SIGLEC6: variants seen among roughly 807,000 people sequenced by gnomAD.
SIGLEC6 encodes the protein sialic acid binding Ig like lectin 6, also known as sialic acid-binding Ig-like lectin 6.
SIGLEC6 carries 31 observed loss-of-function variants against 41.4 expected under a neutral mutation model. The ratio of observed to expected loss-of-function variants is 0.75; its 90% CI spans 0.56 to 1.01. The LOEUF (loss-of-function observed/expected upper bound fraction) is 1.01, where lower values mean the gene tolerates loss of function less well. SIGLEC6 is among the 50% of genes least tolerant of loss of function. The pLI, the probability that SIGLEC6 is intolerant of heterozygous loss-of-function variation, is 0.00. For synonymous variants in SIGLEC6, 217 were observed against 231.0 expected (o/e 0.94, Z 0.55); for missense variants, 555 against 558.6 (o/e 0.99, Z 0.06).
chr19:51,531,081 A>G, intron 2 of SIGLEC6, 79 bp downstream of exon 2: 1 of 1,554,186 alleles, frequency 6.4e-7, no homozygotes, highest in East Asian at 2.2e-5. Flanking sequence ...CCGCCTCCCA[A>G]GACGGGGCTC....
chr19:51,519,357 T>C lies in SIGLEC6; in HGVS notation c.*725A>G, dbSNP rs1475561516. Among the ~76,000 whole-genome samples, 3 of 130,044 alleles carry C rather than the reference T, an allele frequency of 2.3e-5. No individual in the cohort carries two copies. The highest frequency in any genetic ancestry group is 4.9e-5 in the Non-Finnish European group (3 of 61,450). The allele number at this position is 130,044 out of a possible 152,430, so 85.3% of individuals were successfully genotyped here. ...GATACAAGGCATTCATTTACAAAAA[T>C]ATACAGACTTTATGAAAACCTTTGT... is the stretch of plus-strand genomic sequence containing the variant. On this transcript the variant is annotated 3_prime_UTR_variant, in exon 8 of 8. Transcript: ENST00000425629.
chr19:51,529,775 C>T lies in SIGLEC6; in HGVS notation c.961G>A (p.Ala321Thr), dbSNP rs1979892550. Reference protein sequence around the residue: ...SAEEGDFTCRAQHPLGSLQIS... With the variant: ...SAEEGDFTCRTQHPLGSLQIS... ...TGCAGGGAGCCCAGAGGATGCTGAG[C>T]ACGGCAGGTGAAATCTCCTTCTTCT... Residue 321 changes from alanine to threonine, a missense_variant, in exon 5 of 8, where the codon GCT becomes ACT. Ala to Thr is a moderately conservative substitution (Grantham distance 58). Transcript: ENST00000425629. 3 of 1,614,192 alleles carry T rather than the reference C, an allele frequency of 1.9e-6. No individual in the cohort carries two copies. Among genetic ancestry groups the T allele is most frequent in the Non-Finnish European group, 2.5e-6 (3 of 1,180,032 alleles).
chr19:51,526,849 A>G (rs372775233), intron 7 of SIGLEC6, among the ~76,000 whole-genome samples: 2 of 152,202 alleles, frequency 1.3e-5, no homozygotes, highest in African/African-American at 4.8e-5. Flanking sequence ...CTTAAGAAAG[A>G]ACCAAACTGA....
chr19:51,522,793 C>A (rs544467925), intron 7 of SIGLEC6, among the ~76,000 whole-genome samples: 2 of 151,978 alleles, frequency 1.3e-5, no homozygotes, highest in African/African-American at 4.8e-5. Flanking sequence ...CCTCTCTCAA[C>A]AATAACAAAA....
intron 3 of SIGLEC6, 43 bp downstream of exon 3, chr19:51,530,638 C>G (rs370401685): frequency 3.7e-6 from 6 of 1,611,282 alleles, no homozygotes; most frequent in Non-Finnish European, 5.1e-6. Flanking sequence ...TGCCCTGTCC[C>G]CCCACACCCT....
At chr19:51,531,543 C>G in intron 1 of SIGLEC6, 24 bp from the exon 2 acceptor site, 1 of 1,613,954 alleles carries the variant, frequency 6.2e-7, no homozygotes, top group Non-Finnish European at 8.5e-7. Context: ...AGGGTCAGCT[C>G]GGCCCAGCCC....
chr19:51,522,901 C>T (rs1403621778), intron 7 of SIGLEC6, among the ~76,000 whole-genome samples: 5 of 150,576 alleles, frequency 3.3e-5, no homozygotes, highest in Non-Finnish European at 7.4e-5. Flanking sequence ...TTTGGGAAGC[C>T]GAGGCAGGAG....
intron 7 of SIGLEC6, among the ~76,000 whole-genome samples, chr19:51,524,561 G>A (rs1314819138): frequency 6.6e-6 from 1 of 152,164 alleles, no homozygotes; most frequent in African/African-American, 2.4e-5. Flanking sequence ...TGACCTGATT[G>A]ACATTTATAA....
At position 51,529,844 on chromosome 19, in the gene SIGLEC6, T is replaced by C. The variant is rs548685241; in HGVS notation, c.892A>G (p.Ile298Val). The C allele has an allele frequency of 1.2e-5, 20 of 1,614,042 alleles. No individual in the cohort carries two copies. The highest frequency in any genetic ancestry group is 5.0e-5 in the Admixed American group (3 of 60,014). The change falls in exon 5 of 8, where the codon ATC (isoleucine) becomes GTC (valine). Residue 298 changes from isoleucine (I) to valine (V), a missense_variant. Physicochemically the swap from Ile to Val is conservative, Grantham distance 29. Coordinates refer to ENST00000425629, the MANE Select transcript of SIGLEC6 (RefSeq NM_001245.7). The part of the protein sequence containing the change: ...QGFPALNATP[I>V]SNTGVLELPQ... ...AGCTCCAGGACCCCGGTATTGGAGA[T>C]GGGGGTGGCGTTCAGGGCGGGGAAG... is the stretch of plus-strand genomic sequence containing the variant.
Position 51,530,762 on chromosome 19 carries a change from G to T in SIGLEC6, c.625C>A (p.His209Asn), listed in dbSNP as rs374583137. The T allele has an allele frequency of 4.3e-6, 7 of 1,614,150 alleles. No homozygotes were observed. The East Asian group carries it at 1.6e-4, about 36-fold the overall frequency. Reference sequence around the variant, plus strand: ...ACCTGACAGGTGAGGTTGGTGCTGTGGTCCTGGGGCCGTGGGGTGATTGTG... The same window carrying T: ...ACCTGACAGGTGAGGTTGGTGCTGTTGTCCTGGGGCCGTGGGGTGATTGTG... ...VLTITPRPQD[H>N]STNLTCQVTF... Residue 209 changes from histidine to asparagine, a missense_variant, in exon 3 of 8, where the codon CAC becomes AAC. Coordinates refer to ENST00000425629, the MANE Select transcript of SIGLEC6 (RefSeq NM_001245.7).
chr19:51,519,863 G>C lies in SIGLEC6; in HGVS notation c.*219C>G. ...GAGGAAAGACCATGTGAAGACACAA[G>C]GAGGAGACAGCCATCTACAAGCCAA... On this transcript the variant is annotated 3_prime_UTR_variant, in exon 8 of 8. Coordinates refer to ENST00000425629, the MANE Select transcript of SIGLEC6 (RefSeq NM_001245.7). 1 of 317,998 alleles carries C rather than the reference G, an allele frequency of 3.1e-6. No individual in the cohort carries two copies. The highest frequency in any genetic ancestry group is 5.8e-6 in the Non-Finnish European group (1 of 172,638). The allele number at this position is 317,998 out of a possible 1,614,324, so 19.7% of individuals were successfully genotyped here.
rs534259679 is a variant in SIGLEC6, at chr19:51,518,501, G to C, written c.*1581C>G. On this transcript the variant is annotated 3_prime_UTR_variant, in exon 8 of 8. Coordinates refer to ENST00000425629, the MANE Select transcript of SIGLEC6 (RefSeq NM_001245.7). ...GATTACAGGCAAGTGCCACCACACCGAGCTAATTTTTGTATTTTAGTAGAG... is the reference window on the plus strand; with the variant it reads ...GATTACAGGCAAGTGCCACCACACCCAGCTAATTTTTGTATTTTAGTAGAG... 1.3e-5 allele frequency among the ~76,000 whole-genome samples: 2 copies of C among 152,092 alleles called. No individual in the cohort carries two copies. Among genetic ancestry groups the C allele is most frequent in the Admixed American group, 1.3e-4 (2 of 15,264 alleles).
In SIGLEC6 at chr19:51,530,440, C is replaced by T. The variant is rs201148057; in HGVS notation, c.751G>A (p.Ala251Thr). ...AACAGGACTGGCTGGTTCCTACCTG[C>T]GCTGTTTCCTTGGAAGATGCTGATG... ...VAISIFQGNS[A>T]AFKILQNTSS... Residue 251 changes from alanine to threonine, a missense_variant, in exon 4 of 8, where the codon GCA becomes ACA. Coordinates refer to ENST00000425629, the MANE Select transcript of SIGLEC6 (RefSeq NM_001245.7). 1.1e-4 allele frequency: 183 copies of T among 1,614,006 alleles called. No homozygotes were observed. In the East Asian group the frequency reaches 1.5e-3, roughly 13 times the overall value.
chr19:51,525,438 C>T (rs1216347427), intron 7 of SIGLEC6, among the ~76,000 whole-genome samples: 1 of 152,172 alleles, frequency 6.6e-6, no homozygotes, highest in Non-Finnish European at 1.5e-5. Context: ...AGCAGCCAGA[C>T]CGTATCAGTG....
chr19:51,524,036 A>T (rs906549221), intron 7 of SIGLEC6, among the ~76,000 whole-genome samples: 1 of 152,206 alleles, frequency 6.6e-6, no homozygotes, highest in African/African-American at 2.4e-5. Context: ...AAAAAAAAGT[A>T]GTAATATTTT....
intron 7 of SIGLEC6, among the ~76,000 whole-genome samples, chr19:51,525,973 A>G (rs1979159883): frequency 6.6e-6 from 1 of 152,112 alleles, no homozygotes; most frequent in Non-Finnish European, 1.5e-5. Context: ...CAGCTGCACT[A>G]CAGAGAGGAG....
intron 5 of SIGLEC6, among the ~76,000 whole-genome samples, chr19:51,528,672 T>G (rs62113284): frequency 0.065 from 9,917 of 152,092 alleles, 367 homozygotes; most frequent in East Asian, 0.11. Flanking sequence ...CCAATATGAC[T>G]GTTGTCCTTA....
intron 7 of SIGLEC6, 79 bp downstream of exon 7, chr19:51,527,668 G>A: frequency 8.1e-7 from 1 of 1,234,728 alleles, no homozygotes; most frequent in Non-Finnish European, 1.2e-6. Flanking sequence ...TGTTAATGAA[G>A]AAATGCCTCA....
At chr19:51,523,395 G>C (rs1356734646) in intron 7 of SIGLEC6, among the ~76,000 whole-genome samples, 1 of 152,150 alleles carries the variant, frequency 6.6e-6, no homozygotes, top group South Asian at 2.1e-4. Flanking sequence ...GGGGAAGGGA[G>C]TTAAAGAATT....
Sources: gnomAD v4.1 joint callset for allele counts (sites outside exome capture counted in the v4.1 genomes callset) on GRCh38, gnomAD v4.1.1 for gene constraint, MANE v1.5 for transcripts, NCBI Gene and HGNC (gene_info 2026-07-23, HGNC 2026-07-21) for gene names.